KCNAB2: variants seen among roughly 807,000 people sequenced by gnomAD.
KCNAB2 encodes voltage-gated potassium channel subunit beta-2.
Under a neutral mutation model 63.6 loss-of-function variants are expected in KCNAB2, and 29 were observed. That is an observed-to-expected ratio of 0.46 (90% confidence interval 0.34 to 0.62). The LOEUF (loss-of-function observed/expected upper bound fraction) is 0.62. KCNAB2 is among the 20% of genes least tolerant of loss of function. The pLI, the probability that KCNAB2 is intolerant of heterozygous loss-of-function variation, is 0.01. For synonymous variants in KCNAB2, 222 were observed against 224.2 expected (o/e 0.99, Z 0.09); for missense variants, 359 against 563.9 (o/e 0.64, Z 3.68).
intron 1 of KCNAB2, among the ~76,000 whole-genome samples, chr1:5,997,789 A>G (rs940041538): frequency 6.6e-6 from 1 of 152,238 alleles, no homozygotes; most frequent in African/African-American, 2.4e-5. Flanking sequence ...AATAACTAGA[A>G]TGCATGGGCA....
In KCNAB2 at chr1:6,006,742, T is replaced by C. The variant is rs867748886; in HGVS notation, c.-53+13954T>C. 9.6e-3 allele frequency among the ~76,000 whole-genome samples: 631 copies of C among 65,850 alleles called. 11 individuals are homozygous for C. Among genetic ancestry groups the C allele is most frequent in the African/African-American group, 0.03 (535 of 17,642 alleles). 43.2% of individuals were successfully genotyped at this position (65,850 alleles called of 152,430 possible). The stretch of plus-strand genomic sequence containing the variant: ...CCTCAGCTCAGCTCCCACATTCCCC[T>C]ACTCCACCCTCACCCCTCAGTGCTC... On this transcript the variant is annotated intron_variant, in intron 1 of 16. Transcript: ENST00000341524.
Position 6,008,709 on chromosome 1 carries a change from A to T in KCNAB2, c.-53+15921A>T, listed in dbSNP as rs191387571. 5.7e-4 allele frequency among the ~76,000 whole-genome samples: 87 copies of T among 152,154 alleles called. No homozygotes were observed. In the East Asian group the frequency reaches 7.4e-3, roughly 13 times the overall value. On this transcript the variant is annotated intron_variant, in intron 1 of 16. Transcript: ENST00000341524. Reference sequence around the variant, plus strand: ...AACAGAACTGCAGCAGATGATGAAAACAAGGCTGTGATCAGGGAAGTGGCT... The same window carrying T: ...AACAGAACTGCAGCAGATGATGAAATCAAGGCTGTGATCAGGGAAGTGGCT...
chr1:6,100,933 T>G lies in KCNAB2; in HGVS notation c.*2359T>G, dbSNP rs552289677. The G allele has an allele frequency of 1.3e-5, 2 of 152,292 alleles. No homozygotes were observed. The highest frequency in any genetic ancestry group is 2.9e-5 in the Non-Finnish European group (2 of 68,102). 9.4% of individuals were successfully genotyped at this position (152,292 alleles called of 1,614,324 possible). A position where few individuals can be genotyped will look rare whatever the true frequency, so the allele number is the denominator to read the frequency against. ...GCCCCCACTGTTTCCCACTCAGCTT[T>G]GTGCTCAGATCCCAGGTCCCAAGGA... On this transcript the variant is annotated 3_prime_UTR_variant, in exon 16 of 16. Coordinates refer to ENST00000378083, the MANE Select transcript of KCNAB2 (RefSeq NM_001199862.2).
At chr1:6,097,151 C>T (rs1557519360) in intron 14 of KCNAB2, 118 bp from the exon 15 acceptor site, 2 of 1,188,838 alleles carry the variant, frequency 1.7e-6, no homozygotes, top group East Asian at 2.6e-5. Flanking sequence ...GCTTCCTAGA[C>T]CCCCTCAGAC....
chr1:6,048,538 G>A (rs752238103), intron 1 of KCNAB2, among the ~76,000 whole-genome samples: 15 of 152,252 alleles, frequency 9.9e-5, no homozygotes, highest in Non-Finnish European at 1.5e-4. Context: ...CAGCCACCCC[G>A]TCCTCCAGCC....
rs1040034701 is a variant in KCNAB2 at position 6,098,961 on chromosome 1, C to T, written c.*387C>T. 1.2e-4 allele frequency: 21 copies of T among 181,124 alleles called. No homozygotes were observed. The highest frequency in any genetic ancestry group is 4.0e-4 in the African/African-American group (17 of 42,068). The allele number at this position is 181,124 out of a possible 1,614,324, so 11.2% of individuals were successfully genotyped here. On this transcript the variant is annotated 3_prime_UTR_variant, in exon 16 of 16. Transcript: ENST00000378083. Reference sequence around the variant, plus strand: ...CCAAGGCCTGGTTGGGTCCTTGGGGCGGGCAGGGCCAGCCTCTCCTCTGCT... The same window carrying T: ...CCAAGGCCTGGTTGGGTCCTTGGGGTGGGCAGGGCCAGCCTCTCCTCTGCT...
At chr1:6,019,957 T>C (rs1658728243) in intron 1 of KCNAB2, among the ~76,000 whole-genome samples, 1 of 152,090 alleles carries the variant, frequency 6.6e-6, no homozygotes, top group African/African-American at 2.4e-5. Flanking sequence ...AGGAAGCTGG[T>C]TTCCAATCAG....
Position 6,023,905 on chromosome 1 carries a change from T to C in KCNAB2, c.-52-16612T>C, listed in dbSNP as rs530749612. 3.3e-5 allele frequency among the ~76,000 whole-genome samples: 5 copies of C among 151,756 alleles called. No individual in the cohort carries two copies. In the East Asian group the frequency reaches 7.7e-4, roughly 24 times the overall value. ...CTCCCACCTCAGCCTCCTAAATAGC[T>C]GGGACCACTGGCATGCACCACCATG... On this transcript the variant is annotated intron_variant, in intron 1 of 16. Transcript: ENST00000341524.
At position 6,092,711 on chromosome 1, in the gene KCNAB2, A is replaced by G. The variant is rs181756537; in HGVS notation, c.646+1404A>G. ...CCAACCAGGCACTTCCTGAGGGTCT[A>G]TCGGAGTTGGCAGTTAAAGCAGGTG... On this transcript the variant is annotated intron_variant, in intron 10 of 15. Coordinates refer to ENST00000378083, the MANE Select transcript of KCNAB2 (RefSeq NM_001199862.2). Among the ~76,000 whole-genome samples the G allele has an allele frequency of 1.8e-4, 28 of 152,348 alleles. No homozygotes were observed. The East Asian group carries it at 4.0e-3, about 22-fold the overall frequency.
At chr1:6,039,187 G>T (rs555209794) in intron 1 of KCNAB2, among the ~76,000 whole-genome samples, 1 of 152,176 alleles carries the variant, frequency 6.6e-6, no homozygotes, top group Non-Finnish European at 1.5e-5. Flanking sequence ...GAGAGGAGCC[G>T]CAAGCGCAAG....
rs143862956 is a variant in KCNAB2 at position 6,006,906 on chromosome 1, G to A, written c.-53+14118G>A. On this transcript the variant is annotated intron_variant, in intron 1 of 16. Coordinates refer to the KCNAB2 transcript ENST00000341524. Reference sequence around the variant, plus strand: ...AAATACAATGATAAGAGCTGTTGTCGAGGGATCAGACAGCAGCCTGTGTAA... The same window carrying A: ...AAATACAATGATAAGAGCTGTTGTCAAGGGATCAGACAGCAGCCTGTGTAA... 2.9e-4 allele frequency among the ~76,000 whole-genome samples: 44 copies of A among 152,040 alleles called. No homozygotes were observed. In the South Asian group the frequency reaches 4.0e-3, roughly 14 times the overall value.
upstream of KCNAB2, among the ~76,000 whole-genome samples, chr1:6,033,278 C>T (rs1048269889): frequency 2.1e-5 from 3 of 145,484 alleles, no homozygotes; most frequent in Non-Finnish European, 3.0e-5. Context: ...TGTGCATGTG[C>T]GTGTGTGGGC....
In KCNAB2 at chr1:6,071,792, CATA is replaced by C. The variant is rs1663216319; in HGVS notation, c.219-962_219-960del. On this transcript the variant is annotated intron_variant, in intron 2 of 15. Transcript: ENST00000378083. This position sits in a 1 kb window ranked among gnomAD's most constrained non-coding sequence, Gnocchi z 8.5. ...CCTGCCGCGTGGGCTCCTCCTGCCA[CATA>C]GGGCACCTCCTGCCGCGAGGGCACC... is the stretch of plus-strand genomic sequence containing the variant. 8.0e-5 allele frequency among the ~76,000 whole-genome samples: 12 copies of C among 150,240 alleles called. No homozygotes were observed. The highest frequency in any genetic ancestry group is 7.9e-4 in the Admixed American group (12 of 15,146).
intron 2 of KCNAB2, among the ~76,000 whole-genome samples, chr1:6,052,581 T>C (rs1485882266): frequency 6.6e-6 from 1 of 152,176 alleles, no homozygotes; most frequent in East Asian, 1.9e-4. Flanking sequence ...CAAAGGACAT[T>C]CTTTTTAGTG....
chr1:6,047,557 G>T (rs916263269), intron 1 of KCNAB2, among the ~76,000 whole-genome samples: 3 of 152,158 alleles, frequency 2.0e-5, no homozygotes, highest in African/African-American at 7.2e-5. Flanking sequence ...AGAGCTGCTG[G>T]GTCTGAGGTA....
intron 2 of KCNAB2, among the ~76,000 whole-genome samples, chr1:6,052,099 T>G (rs1661445355): frequency 1.3e-5 from 2 of 151,366 alleles, no homozygotes; most frequent in Non-Finnish European, 2.9e-5. Flanking sequence ...TGAGACACTG[T>G]CTCAACAACA....
At chr1:6,079,974 T>C (rs1413503660) in intron 4 of KCNAB2, among the ~76,000 whole-genome samples, 1 of 152,184 alleles carries the variant, frequency 6.6e-6, no homozygotes, top group Non-Finnish European at 1.5e-5. Flanking sequence ...GATTGGTTTT[T>C]AGGATGTATT....
chr1:6,026,961 C>T lies in KCNAB2; in HGVS notation c.-52-13556C>T, dbSNP rs543747212. On this transcript the variant is annotated intron_variant, in intron 1 of 16. Coordinates refer to the KCNAB2 transcript ENST00000341524. ...TGCCTTGAACATGGATGGCGTGGGTCCCCAGTCCCTCCTCTCTCCCCTCCC... is the reference window on the plus strand; with the variant it reads ...TGCCTTGAACATGGATGGCGTGGGTTCCCAGTCCCTCCTCTCTCCCCTCCC... Among the ~76,000 whole-genome samples the T allele has an allele frequency of 2.6e-5, 4 of 152,314 alleles. No individual in the cohort carries two copies. In the South Asian group the frequency reaches 8.3e-4, roughly 32 times the overall value.
In KCNAB2 at chr1:6,086,508, A is replaced by G; in HGVS notation, c.426-959A>G. 6 of 520,604 alleles carry G rather than the reference A, an allele frequency of 1.2e-5. No homozygotes were observed. The highest frequency in any genetic ancestry group is 1.5e-5 in the Non-Finnish European group (6 of 405,542). 32.2% of individuals were successfully genotyped at this position (520,604 alleles called of 1,614,324 possible). A position where few individuals can be genotyped will look rare whatever the true frequency, so the allele number is the denominator to read the frequency against. ...GGAGGCCTCCTACTCCAGCCTCGTG[A>G]GCTGCTTCCCTGAGCAGCCCGGGAC... On this transcript the variant is annotated intron_variant, in intron 6 of 15. Coordinates refer to ENST00000378083, the MANE Select transcript of KCNAB2 (RefSeq NM_001199862.2). The surrounding 1 kb of genome is among the most constrained non-coding windows in gnomAD (Gnocchi z 4.2).
Sources: gnomAD v4.1 joint callset for allele counts (sites outside exome capture counted in the v4.1 genomes callset) on GRCh38, gnomAD v4.1.1 for gene constraint, Gnocchi (gnomAD v3.1) non-coding constraint, MANE v1.5 for transcripts, NCBI Gene and HGNC (gene_info 2026-07-23, HGNC 2026-07-21) for gene names.